Variants in GTF2E2 observed in about 807,000 individuals in gnomAD.
GTF2E2 encodes the protein general transcription factor IIE subunit 2, also known as transcription initiation factor IIE subunit beta.
GTF2E2 carries 21 observed loss-of-function variants against 40.5 expected under a neutral mutation model. That is an observed-to-expected ratio of 0.52 (90% CI 0.37 to 0.75). The LOEUF (loss-of-function observed/expected upper bound fraction) is 0.75. Among genes scored for constraint, GTF2E2 ranks in the 30% least tolerant of loss-of-function variants. The pLI is 0.00. For missense variants in GTF2E2, 298 were observed against 338.4 expected (o/e 0.88, Z 0.94); for synonymous variants, 117 against 121.6 (o/e 0.96, Z 0.25).
intron 2 of GTF2E2, among the ~76,000 whole-genome samples, chr8:30,649,821 G>A (rs965719144): frequency 6.6e-6 from 1 of 152,156 alleles, no homozygotes; most frequent in South Asian, 2.1e-4. Flanking sequence ...ATATCAAAAG[G>A]ATTATAAGGG....
intron 6 of GTF2E2, among the ~76,000 whole-genome samples, chr8:30,603,028 T>C (rs990681651): frequency 6.6e-6 from 1 of 152,184 alleles, no homozygotes; most frequent in Non-Finnish European, 1.5e-5. Flanking sequence ...CTTCCTAGCA[T>C]TTCATACAAT....
intron 6 of GTF2E2, among the ~76,000 whole-genome samples, chr8:30,604,521 A>G (rs1362446066): frequency 6.6e-6 from 1 of 152,238 alleles, no homozygotes; most frequent in African/African-American, 2.4e-5. Flanking sequence ...TTAATCAGGT[A>G]CACACAGTGG....
intron 6 of GTF2E2, among the ~76,000 whole-genome samples, chr8:30,587,310 G>A (rs1828710522): frequency 6.6e-6 from 1 of 152,068 alleles, no homozygotes; most frequent in Non-Finnish European, 1.5e-5. Flanking sequence ...CTACTTAGGA[G>A]GCTAAGATGA....
chr8:30,656,599 G>C (rs1339164654), intron 1 of GTF2E2, among the ~76,000 whole-genome samples: 1 of 152,134 alleles, frequency 6.6e-6, no homozygotes, highest in African/African-American at 2.4e-5. Context: ...ACGAGGTCAG[G>C]AGTTCTAGAC....
Position 30,651,370 on chromosome 8 carries a change from A to T in GTF2E2, c.166+2063T>A, listed in dbSNP as rs562374251. On this transcript the variant is annotated intron_variant, in intron 2 of 7. Transcript: ENST00000355904. ...TTACAGAATACAAGATCAATGTATT[A>T]AAAAAAACTCTTGTTTCTATATACT... Among the ~76,000 whole-genome samples the T allele has an allele frequency of 6.6e-5, 10 of 151,816 alleles. No individual in the cohort carries two copies. The South Asian group carries it at 1.0e-3, about 16-fold the overall frequency.
chr8:30,604,221 T>C (rs1328315278), intron 6 of GTF2E2, among the ~76,000 whole-genome samples: 1 of 152,046 alleles, frequency 6.6e-6, no homozygotes, highest in Non-Finnish European at 1.5e-5. Context: ...ACTGAAACAA[T>C]TGTCCTAAAT....
chr8:30,612,491 T>A lies in GTF2E2; in HGVS notation c.367-10A>T, dbSNP rs370444028. The A allele has an allele frequency of 6.6e-7, 1 of 1,520,498 alleles. No individual in the cohort carries two copies. Among genetic ancestry groups the A allele is most frequent in the African/African-American group, 1.4e-5 (1 of 72,704 alleles). 94.2% of individuals were successfully genotyped at this position (1,520,498 alleles called of 1,614,324 possible). On this transcript the variant is annotated splice_polypyrimidine_tract_variant and intron_variant, in intron 4 of 7. Coordinates refer to ENST00000355904, the MANE Select transcript of GTF2E2 (RefSeq NM_002095.6). ...GATTGTTGACTAAAGCCTGTAACAG[T>A]GATACAATTGGAATATATTAACAAA...
intron 3 of GTF2E2, among the ~76,000 whole-genome samples, chr8:30,629,019 A>C (rs750414953): frequency 2.0e-4 from 31 of 152,284 alleles, no homozygotes; most frequent in Middle Eastern, 3.4e-3. Context: ...TATAACTTAC[A>C]CTAATTAATT....
intron 2 of GTF2E2, among the ~76,000 whole-genome samples, chr8:30,637,649 G>A (rs1169960898): frequency 6.6e-6 from 1 of 152,072 alleles, no homozygotes; most frequent in Non-Finnish European, 1.5e-5. Context: ...TCAACCTCCT[G>A]AATAGCTGGG....
intron 1 of GTF2E2, among the ~76,000 whole-genome samples, chr8:30,655,939 T>C (rs990551563): frequency 6.6e-5 from 10 of 151,882 alleles, no homozygotes; most frequent in Non-Finnish European, 1.5e-5. Flanking sequence ...GCCTCCCGAG[T>C]AGCTGGGACT....
chr8:30,609,569 C>CTTT (rs1370978279), intron 5 of GTF2E2, among the ~76,000 whole-genome samples: 1 of 152,120 alleles, frequency 6.6e-6, no homozygotes, highest in African/African-American at 2.4e-5. Context: ...CAATACTACC[C>CTTT]AAAGTTACCT....
At chr8:30,604,613 C>T (rs1269313731) in intron 6 of GTF2E2, among the ~76,000 whole-genome samples, 1 of 152,190 alleles carries the variant, frequency 6.6e-6, no homozygotes, top group Non-Finnish European at 1.5e-5. Context: ...AAATTATTTA[C>T]AGAACTTGTT....
At chr8:30,592,098 C>T (rs1453443191) in intron 6 of GTF2E2, among the ~76,000 whole-genome samples, 1 of 152,124 alleles carries the variant, frequency 6.6e-6, no homozygotes, top group African/African-American at 2.4e-5. Context: ...TAATTTCAGG[C>T]TGGGTGTGGT....
At chr8:30,594,103 G>T (rs1173427583) in intron 6 of GTF2E2, among the ~76,000 whole-genome samples, 1 of 151,832 alleles carries the variant, frequency 6.6e-6, no homozygotes, top group Admixed American at 6.6e-5. Flanking sequence ...GCTAACTTTT[G>T]TATTTTTAGT....
intron 3 of GTF2E2, among the ~76,000 whole-genome samples, chr8:30,619,816 A>T (rs1315219332): frequency 6.6e-6 from 1 of 152,078 alleles, no homozygotes; most frequent in Non-Finnish European, 1.5e-5. Flanking sequence ...CTCCAAAAAC[A>T]TGCACATCCA....
At chr8:30,654,918 A>G (rs1802406387) in intron 1 of GTF2E2, among the ~76,000 whole-genome samples, 1 of 152,218 alleles carries the variant, frequency 6.6e-6, no homozygotes, top group Non-Finnish European at 1.5e-5. Context: ...AGTGATGAAG[A>G]GGCTGAATTA....
At chr8:30,587,116 T>C (rs1828706168) in intron 6 of GTF2E2, among the ~76,000 whole-genome samples, 3 of 152,160 alleles carry the variant, frequency 2.0e-5, no homozygotes, top group Admixed American at 6.5e-5. Flanking sequence ...ATGGGTTTAA[T>C]ATACAAAATA....
At chr8:30,636,753 C>T (rs1274060466) in intron 2 of GTF2E2, among the ~76,000 whole-genome samples, 1 of 151,742 alleles carries the variant, frequency 6.6e-6, no homozygotes, top group Non-Finnish European at 1.5e-5. Context: ...GTAGTCTCAG[C>T]TACTTGGGAG....
intron 3 of GTF2E2, among the ~76,000 whole-genome samples, chr8:30,620,237 CAA>C (rs1491576892): frequency 7.9e-5 from 3 of 38,084 alleles, no homozygotes; most frequent in Admixed American, 4.1e-4. Flanking sequence ...TACACACACA[CAA>C]ACACACACAC....
Sources: allele counts gnomAD v4.1 joint callset (sites outside exome capture counted in the v4.1 genomes callset), GRCh38; gene constraint gnomAD v4.1.1; transcripts MANE v1.5; gene names NCBI Gene and HGNC (gene_info 2026-07-23, HGNC 2026-07-21).